EVA1A: variants seen among roughly 807,000 people sequenced by gnomAD.
The protein encoded by EVA1A is protein eva-1 homolog A.
In EVA1A, 7 loss-of-function variants were observed where a neutral mutation model predicts 9.8. The observed-to-expected ratio is 0.71, with a 90% confidence interval of 0.41 to 1.34. The LOEUF (loss-of-function observed/expected upper bound fraction) is 1.34, where lower values mean the gene tolerates loss of function less well. EVA1A is among the 40% of genes most tolerant of loss of function. The pLI is 0.01. For synonymous variants in EVA1A, 90 were observed against 85.6 expected (o/e 1.05, Z -0.28); for missense variants, 206 against 205.9 (o/e 1.00, Z 0.00).
rs193279379 is a variant in EVA1A at position 75,504,651 on chromosome 2, G to A, written c.86-11042C>T. ...TCACTCATTTCAGTTCATGTCCTTC[G>A]CAGGGACATAGATGAAGCTGGAAGC... On this transcript the variant is annotated intron_variant, in intron 3 of 3. Coordinates refer to ENST00000393913, the MANE Select transcript of EVA1A (RefSeq NM_001135032.2). 3.0e-4 allele frequency among the ~76,000 whole-genome samples: 46 copies of A among 152,096 alleles called. No individual in the cohort carries two copies. The East Asian group carries it at 6.8e-3, about 22-fold the overall frequency.
intron 3 of EVA1A, among the ~76,000 whole-genome samples, chr2:75,502,450 G>A (rs1183332177): frequency 2.0e-5 from 3 of 152,216 alleles, no homozygotes; most frequent in Non-Finnish European, 4.4e-5. Context: ...CCCTTGACAA[G>A]TGGCATCTCT....
At chr2:75,537,098 G>A (rs1257086203) in intron 1 of EVA1A, among the ~76,000 whole-genome samples, 3 of 152,124 alleles carry the variant, frequency 2.0e-5, no homozygotes, top group Non-Finnish European at 4.4e-5. Context: ...GTATAAAAAG[G>A]ATTTTTTTTC....
At chr2:75,493,653 C>T (rs776857779) in intron 3 of EVA1A, 44 bp from the exon 4 acceptor site, 3 of 1,519,288 alleles carry the variant, frequency 2.0e-6, no homozygotes, top group Admixed American at 4.2e-5. Context: ...GAGATGACAA[C>T]TCCATATGCA....
chr2:75,548,983 A>AAAAAAAAAT (rs377340236), intron 1 of EVA1A, among the ~76,000 whole-genome samples: 12 of 133,686 alleles, frequency 9.0e-5, no homozygotes, highest in South Asian at 2.5e-4. Flanking sequence ...CTAAATGAAA[A>AAAAAAAAAT]ATATATATAT....
chr2:75,498,762 C>A (rs1335235316), intron 3 of EVA1A, among the ~76,000 whole-genome samples: 1 of 151,172 alleles, frequency 6.6e-6, no homozygotes, highest in Non-Finnish European at 1.5e-5. Flanking sequence ...TGTAGCACTA[C>A]TGAGTGACTT....
intron 1 of EVA1A, among the ~76,000 whole-genome samples, chr2:75,532,159 C>CAAA (rs543115764): frequency 1.7e-4 from 10 of 57,848 alleles, no homozygotes; most frequent in Non-Finnish European, 2.7e-4. Context: ...GACTCTGTCT[C>CAAA]AAAAAAAAAA....
chr2:75,540,014 G>C (rs1676054397), intron 1 of EVA1A, among the ~76,000 whole-genome samples: 1 of 152,180 alleles, frequency 6.6e-6, no homozygotes, highest in African/African-American at 2.4e-5. Flanking sequence ...ATTTAAGAAG[G>C]GAGAGAGGGA....
At chr2:75,560,377 T>A (rs574494799) in intron 1 of EVA1A, among the ~76,000 whole-genome samples, 1 of 152,270 alleles carries the variant, frequency 6.6e-6, no homozygotes, top group African/African-American at 2.4e-5. Flanking sequence ...AACGACCTGC[T>A]TTCCGAAGCT....
intron 3 of EVA1A, among the ~76,000 whole-genome samples, chr2:75,501,288 T>A (rs1418739399): frequency 6.6e-6 from 1 of 152,234 alleles, no homozygotes; most frequent in African/African-American, 2.4e-5. Context: ...CTTACATTGA[T>A]GTAGTGCTCA....
intron 1 of EVA1A, chr2:75,542,031 T>G (rs1399461694): frequency 6.6e-6 from 1 of 152,074 alleles, no homozygotes. Flanking sequence ...ATCATGAGGG[T>G]GGGTCTTTCC....
At chr2:75,496,821 T>A (rs1005022650) in intron 3 of EVA1A, among the ~76,000 whole-genome samples, 18 of 152,156 alleles carry the variant, frequency 1.2e-4, no homozygotes, top group Admixed American at 1.2e-3. Context: ...AACAGTATGG[T>A]AGTGGTACAA....
At chr2:75,559,546 G>A (rs1254574943) in intron 1 of EVA1A, among the ~76,000 whole-genome samples, 2 of 152,164 alleles carry the variant, frequency 1.3e-5, no homozygotes, top group Admixed American at 1.3e-4. Flanking sequence ...GACAAGAAGG[G>A]GATGAATTAA....
chr2:75,553,557 A>G (rs1229630252), intron 1 of EVA1A, among the ~76,000 whole-genome samples: 1 of 152,236 alleles, frequency 6.6e-6, no homozygotes, highest in Non-Finnish European at 1.5e-5. Context: ...TGCCTGGCAC[A>G]TGAAGGTGTC....
chr2:75,510,791 T>C (rs1452610756), intron 3 of EVA1A, among the ~76,000 whole-genome samples: 3 of 152,016 alleles, frequency 2.0e-5, no homozygotes, highest in African/African-American at 7.2e-5. Context: ...AAAAGATCAA[T>C]AAAAAATGAA....
intron 2 of EVA1A, among the ~76,000 whole-genome samples, chr2:75,521,905 G>A (rs1675244071): frequency 6.6e-6 from 1 of 152,122 alleles, no homozygotes; most frequent in South Asian, 2.1e-4. Flanking sequence ...TTTATTTAAA[G>A]AATCTTGCAA....
intron 3 of EVA1A, among the ~76,000 whole-genome samples, chr2:75,495,428 C>T (rs1039296597): frequency 6.6e-6 from 1 of 152,126 alleles, no homozygotes; most frequent in African/African-American, 2.4e-5. Flanking sequence ...CAGTGTTCTC[C>T]CTTATATGGC....
At chr2:75,501,375 G>A (rs1674413239) in intron 3 of EVA1A, among the ~76,000 whole-genome samples, 2 of 152,106 alleles carry the variant, frequency 1.3e-5, no homozygotes, top group African/African-American at 4.8e-5. Context: ...AATTTTCTTA[G>A]AGTTCTATTA....
At chr2:75,534,617 C>A (rs1572975750) in intron 1 of EVA1A, among the ~76,000 whole-genome samples, 1 of 151,932 alleles carries the variant, frequency 6.6e-6, no homozygotes. Context: ...CTAAATACAC[C>A]AATTAAAGAT....
At chr2:75,561,361 T>G (rs1676917029), upstream of EVA1A, 1 of 144,582 alleles carries the variant, frequency 6.9e-6, no homozygotes, top group Non-Finnish European at 1.5e-5. Flanking sequence ...CTTACTTTGT[T>G]AAATTTGATC....
Sources: gnomAD v4.1 joint callset for allele counts (sites outside exome capture counted in the v4.1 genomes callset) on GRCh38, gnomAD v4.1.1 for gene constraint, MANE v1.5 for transcripts, NCBI Gene and HGNC (gene_info 2026-07-23, HGNC 2026-07-21) for gene names.